CLDN11: variants seen among roughly 807,000 people sequenced by gnomAD.
CLDN11 encodes the protein claudin 11.
Under a neutral mutation model 18.0 loss-of-function variants are expected in CLDN11, and 1 was observed. The ratio of observed to expected loss-of-function variants is 0.06; its 90% CI spans 0.02 to 0.26. The LOEUF is 0.26. CLDN11 is among the 10% of genes least tolerant of loss of function. The pLI, the probability that CLDN11 is intolerant of heterozygous loss-of-function variation, is 1.00. For synonymous variants in CLDN11, 116 were observed against 121.5 expected, an observed-to-expected ratio of 0.96 and a Z score of 0.30; for missense variants, 172 against 276.6, an observed-to-expected ratio of 0.62 and a Z score of 2.68.
At chr3:170,422,841 C>A (rs1738756679) in intron 1 of CLDN11, among the ~76,000 whole-genome samples, 1 of 152,216 alleles carries the variant, frequency 6.6e-6, no homozygotes, top group African/African-American at 2.4e-5. Flanking sequence ...CAGAATGATT[C>A]TTGGGAGATT....
At chr3:170,429,584 CT>C in intron 2 of CLDN11, among the ~76,000 whole-genome samples, 1 of 152,118 alleles carries the variant, frequency 6.6e-6, no homozygotes, top group East Asian at 1.9e-4. Context: ...ATATTTAGAC[CT>C]TTTTCTGATT....
Position 170,423,254 on chromosome 3 carries a change from C to T in CLDN11, c.318C>T (p.Ile106=), listed in dbSNP as rs750349684. 1 of 1,614,168 alleles carries T rather than the reference C, an allele frequency of 6.2e-7. No individual in the cohort carries two copies. The highest frequency in any genetic ancestry group is 8.5e-7 in the Non-Finnish European group (1 of 1,180,030). ...ILLLLTVLPC[I]RMGQEPGVAK... is the part of the protein sequence containing the mutation. Reference sequence around the variant, plus strand: ...TGCTGCTGACTGTTCTTCCCTGCATCCGGATGGGCCAGGAGCCCGGTGTGG... The same window carrying T: ...TGCTGCTGACTGTTCTTCCCTGCATTCGGATGGGCCAGGAGCCCGGTGTGG... Residue 106 remains isoleucine, a synonymous_variant, in exon 2 of 3, where the codon ATC becomes ATT. Coordinates refer to ENST00000064724, the MANE Select transcript of CLDN11 (RefSeq NM_005602.6).
At chr3:170,425,831 C>A (rs949322702) in intron 2 of CLDN11, among the ~76,000 whole-genome samples, 3 of 152,172 alleles carry the variant, frequency 2.0e-5, no homozygotes, top group African/African-American at 7.2e-5. Context: ...TGCCTTTGGG[C>A]TGGATGTTGT....
At position 170,432,884 on chromosome 3, in the gene CLDN11, T is replaced by C; in HGVS notation, c.*128T>C. The stretch of plus-strand genomic sequence containing the variant: ...AAGCCAAAGGTCTAGAAAAGCATCC[T>C]GTCTGGCATTTTGTAGTCTTAACTT... On this transcript the variant is annotated 3_prime_UTR_variant, in exon 3 of 3. Transcript: ENST00000064724. The C allele has an allele frequency of 1.2e-6, 1 of 835,060 alleles. No individual in the cohort carries two copies. The highest frequency in any genetic ancestry group is 1.9e-6 in the Non-Finnish European group (1 of 527,142). 51.7% of individuals were successfully genotyped at this position (835,060 alleles called of 1,614,324 possible). A position where few individuals can be genotyped will look rare whatever the true frequency, so the allele number is the denominator to read the frequency against.
chr3:170,427,603 G>A (rs1395527027), intron 2 of CLDN11, among the ~76,000 whole-genome samples: 1 of 150,050 alleles, frequency 6.7e-6, no homozygotes, highest in Non-Finnish European at 1.5e-5. Context: ...CCTGGGCAAC[G>A]AGAGCAAAAA....
intron 2 of CLDN11, among the ~76,000 whole-genome samples, chr3:170,427,527 A>G (rs937473390): frequency 6.6e-6 from 1 of 152,036 alleles, no homozygotes; most frequent in Non-Finnish European, 1.5e-5. Flanking sequence ...AGGCTGAGGC[A>G]GGAGAATCAC....
At chr3:170,423,958 G>A (rs1340158065) in intron 2 of CLDN11, among the ~76,000 whole-genome samples, 1 of 150,086 alleles carries the variant, frequency 6.7e-6, no homozygotes, top group South Asian at 2.1e-4. Context: ...GAACCCAGGA[G>A]GCAGAGGTTG....
intron 2 of CLDN11, among the ~76,000 whole-genome samples, chr3:170,424,888 G>A (rs945417226): frequency 6.6e-6 from 1 of 151,624 alleles, no homozygotes; most frequent in Non-Finnish European, 1.5e-5. Flanking sequence ...AAGGGACGGA[G>A]GTTTGCAGGT....
intron 2 of CLDN11, among the ~76,000 whole-genome samples, chr3:170,431,405 C>T (rs1739000342): frequency 6.6e-6 from 1 of 152,132 alleles, no homozygotes; most frequent in Non-Finnish European, 1.5e-5. Context: ...GCCATCTCAA[C>T]TTAAAGAGGT....
chr3:170,432,811 G>A lies in CLDN11; in HGVS notation c.*55G>A, dbSNP rs1577474486. ...TGTAGATGCTGGGCCCAGGGCCCTA[G>A]GTTTGCTCGTCACAGTGTGGGGAAG... On this transcript the variant is annotated 3_prime_UTR_variant, in exon 3 of 3. Coordinates refer to ENST00000064724, the MANE Select transcript of CLDN11 (RefSeq NM_005602.6). 3 of 1,544,238 alleles carry A rather than the reference G, an allele frequency of 1.9e-6. No individual in the cohort carries two copies. The highest frequency in any genetic ancestry group is 3.4e-5 in the Admixed American group (2 of 59,514).
At chr3:170,431,090 T>C (rs1012831068) in intron 2 of CLDN11, among the ~76,000 whole-genome samples, 7 of 152,188 alleles carry the variant, frequency 4.6e-5, no homozygotes, top group Admixed American at 1.3e-4. Context: ...GCGATGAGAT[T>C]GTTTAAAAGG....
At position 170,419,311 on chromosome 3, in the gene CLDN11, C is replaced by T. The variant is rs1738664360; in HGVS notation, c.226+19C>T. 1.3e-6 allele frequency: 2 copies of T among 1,519,066 alleles called. No homozygotes were observed. Among genetic ancestry groups the T allele is most frequent in the South Asian group, 1.2e-5 (1 of 83,064 alleles). 94.1% of individuals were successfully genotyped at this position (1,519,066 alleles called of 1,614,324 possible). ...CTGCCGGGTAAGGACCCGAGCTTGG[C>T]GGCGGCTCCCAAATCCTTATCCTCT... On this transcript the variant is annotated intron_variant, in intron 1 of 2. Coordinates refer to ENST00000064724, the MANE Select transcript of CLDN11 (RefSeq NM_005602.6). This position sits in a 1 kb window ranked among gnomAD's most constrained non-coding sequence, Gnocchi z 8.6.
chr3:170,422,959 A>G (rs752645953), intron 1 of CLDN11: 2 of 578,050 alleles, frequency 3.5e-6, no homozygotes, highest in Non-Finnish European at 3.0e-6. Context: ...GTCCCCATTT[A>G]GTTTCTCCAG....
At chr3:170,430,398 T>A (rs922196501) in intron 2 of CLDN11, among the ~76,000 whole-genome samples, 2 of 152,162 alleles carry the variant, frequency 1.3e-5, no homozygotes, top group African/African-American at 4.8e-5. Context: ...ACACTGCTTT[T>A]CTTGAACATT....
At position 170,434,168 on chromosome 3, in the gene CLDN11, C is replaced by G. The variant is rs903615448; in HGVS notation, c.*1412C>G. On this transcript the variant is annotated 3_prime_UTR_variant, in exon 3 of 3. Transcript: ENST00000064724. The stretch of plus-strand genomic sequence containing the variant: ...TTTAAAAAAATCTCATTAATCTCTA[C>G]TGGTAATTTATAGGGAATCTGATCA... 6.6e-6 allele frequency: 1 copy of G among 152,624 alleles called. No individual in the cohort carries two copies. The highest frequency in any genetic ancestry group is 1.5e-5 in the Non-Finnish European group (1 of 68,038). The allele number at this position is 152,624 out of a possible 1,614,324, so 9.5% of individuals were successfully genotyped here.
chr3:170,421,213 T>G (rs1577467578), intron 1 of CLDN11: 1 of 839,480 alleles, frequency 1.2e-6, no homozygotes, highest in Non-Finnish European at 1.4e-6. Context: ...ATACTTTGGG[T>G]GGAGGCAGGA....
rs551840353 is a variant in CLDN11 at position 170,419,915 on chromosome 3, T to TCCGCTGCCC, written c.226+629_226+637dup. Among the ~76,000 whole-genome samples, 39 of 152,328 alleles carry TCCGCTGCCC rather than the reference T, an allele frequency of 2.6e-4. No individual in the cohort carries two copies. The East Asian group carries it at 6.6e-3, about 26-fold the overall frequency. ...ATTCCCGCACGTGCCCAGGGCCATCTCCGCTGCCCCCGCTACCCCCGCCCC... is the reference window on the plus strand; with the variant it reads ...ATTCCCGCACGTGCCCAGGGCCATCTCCGCTGCCCCCGCTGCCCCCGCTACCCCCGCCCC... On this transcript the variant is annotated intron_variant, in intron 1 of 2. Coordinates refer to ENST00000064724, the MANE Select transcript of CLDN11 (RefSeq NM_005602.6). The surrounding 1 kb of genome is among the most constrained non-coding windows in gnomAD (Gnocchi z 8.6).
intron 2 of CLDN11, 153 bp downstream of exon 2, chr3:170,423,480 AT>A: frequency 1.4e-6 from 1 of 726,712 alleles, no homozygotes; most frequent in Non-Finnish European, 2.3e-6. Context: ...ATCCCTTTGT[AT>A]TTTATGGGCA....
rs369963006 is a variant in CLDN11 at position 170,432,767 on chromosome 3, C to T, written c.*11C>T. ...AGTGCCCACGTATAAGAGGGCTGCC[C>T]GGCTGCCCACAGAGGTGCTGTAGAT... On this transcript the variant is annotated 3_prime_UTR_variant, in exon 3 of 3. Coordinates refer to ENST00000064724, the MANE Select transcript of CLDN11 (RefSeq NM_005602.6). 3.1e-5 allele frequency: 50 copies of T among 1,612,508 alleles called. No homozygotes were observed. Among genetic ancestry groups the T allele is most frequent in the African/African-American group, 2.5e-4 (19 of 74,994 alleles).
Sources: allele counts gnomAD v4.1 joint callset (sites outside exome capture counted in the v4.1 genomes callset), GRCh38; gene constraint gnomAD v4.1.1; non-coding constraint Gnocchi (gnomAD v3.1); transcripts MANE v1.5; gene names NCBI Gene and HGNC (gene_info 2026-07-23, HGNC 2026-07-21).